ZNF714: variants seen among roughly 807,000 people sequenced by gnomAD.
ZNF714 encodes the protein zinc finger protein 714.
ZNF714 carries 32 observed loss-of-function variants against 46.2 expected under a neutral mutation model. The ratio of observed to expected loss-of-function variants is 0.69; its 90% CI spans 0.52 to 0.93. The LOEUF (loss-of-function observed/expected upper bound fraction) is 0.93. Ranked by LOEUF, ZNF714 falls within the 40% of genes least tolerant of loss-of-function variation. The pLI is 0.00. For synonymous variants in ZNF714, 199 were observed against 213.1 expected (o/e 0.93, Z 0.58); for missense variants, 635 against 646.3 (o/e 0.98, Z 0.19).
chr19:21,095,588 G>A (rs570836163), intron 2 of ZNF714, among the ~76,000 whole-genome samples: 26 of 151,592 alleles, frequency 1.7e-4, no homozygotes, highest in African/African-American at 6.0e-4. Context: ...TCAGCCTCCC[G>A]AGTAGCTGGG....
chr19:21,102,982 A>C (rs755299462), intron 4 of ZNF714, among the ~76,000 whole-genome samples: 1 of 152,108 alleles, frequency 6.6e-6, no homozygotes, highest in African/African-American at 2.4e-5. Flanking sequence ...CAATCGGATT[A>C]TATATGTGTG....
chr19:21,118,474 G>C lies in ZNF714; in HGVS notation c.*142G>C, dbSNP rs1391354696. ...CTCAAAAAAAAAAAAAAAAAGAAAAGAAAATTCATACTGGAACGAAACCCT... is the reference window on the plus strand; with the variant it reads ...CTCAAAAAAAAAAAAAAAAAGAAAACAAAATTCATACTGGAACGAAACCCT... On this transcript the variant is annotated 3_prime_UTR_variant, in exon 5 of 5. Transcript: ENST00000456283. 10 of 392,020 alleles carry C rather than the reference G, an allele frequency of 2.6e-5. No individual in the cohort carries two copies. Among genetic ancestry groups the C allele is most frequent in the Non-Finnish European group, 4.5e-5 (10 of 220,170 alleles). 24.3% of individuals were successfully genotyped at this position (392,020 alleles called of 1,614,324 possible). A position where few individuals can be genotyped will look rare whatever the true frequency, so the allele number is the denominator to read the frequency against.
intron 2 of ZNF714, among the ~76,000 whole-genome samples, chr19:21,087,222 C>CAAAAAAAAA (rs57295093): frequency 2.2e-5 from 2 of 92,168 alleles, no homozygotes; most frequent in Non-Finnish European, 2.0e-5. Context: ...GCAGTCTCAG[C>CAAAAAAAAA]AAAAAAAAAA....
intron 2 of ZNF714, among the ~76,000 whole-genome samples, chr19:21,088,007 C>G (rs1968822084): frequency 6.6e-6 from 1 of 152,068 alleles, no homozygotes; most frequent in Non-Finnish European, 1.5e-5. Context: ...GCGTGGAGTC[C>G]AGGACACAGA....
At position 21,116,915 on chromosome 19, in the gene ZNF714, A is replaced by G. The variant is rs752880693; in HGVS notation, c.251A>G (p.Gln84Arg). The G allele has an allele frequency of 6.1e-5, 98 of 1,613,858 alleles. No individual in the cohort carries two copies. The highest frequency in any genetic ancestry group is 8.0e-5 in the Non-Finnish European group (94 of 1,179,922). Reference sequence around the variant, plus strand: ...GGCAAATGTGAACATGAGAATTTACAGTTAAGAAAAGGCTCCGCAAATGTG... The same window carrying G: ...GGCAAATGTGAACATGAGAATTTACGGTTAAGAAAAGGCTCCGCAAATGTG... ...RHGKCEHENL[Q>R]LRKGSANVVE... is the part of the protein sequence containing the mutation. The change falls in exon 5 of 5, where the codon CAG becomes CGG. Residue 84 changes from glutamine to arginine, a missense_variant. By Grantham distance (43) the Gln-to-Arg change is conservative. Coordinates refer to ENST00000456283, the MANE Select transcript of ZNF714 (RefSeq NM_182515.4).
At chr19:21,115,228 A>G (rs922770571) in intron 4 of ZNF714, among the ~76,000 whole-genome samples, 49 of 152,014 alleles carry the variant, frequency 3.2e-4, no homozygotes, top group African/African-American at 1.1e-3. Flanking sequence ...TCATTAACAA[A>G]TGTTTATAAT....
Position 21,117,986 on chromosome 19 carries a change from C to T in ZNF714, c.1322C>T (p.Thr441Ile). 6.2e-7 allele frequency: 1 copy of T among 1,613,646 alleles called. No homozygotes were observed. Among genetic ancestry groups the T allele is most frequent in the Non-Finnish European group, 8.5e-7 (1 of 1,179,942 alleles). ...GCTTTTAACCGATCCTCAAACCTTA[C>T]TACACATAAGAGAATTCACACTGGA... ...GKAFNRSSNL[T>I]THKRIHTGEK... is the part of the protein sequence containing the mutation. Residue 441 changes from threonine to isoleucine, a missense_variant, in exon 5 of 5, where the codon ACT becomes ATT. Physicochemically the swap from Thr to Ile is moderately conservative, Grantham distance 89. Coordinates refer to ENST00000456283, the MANE Select transcript of ZNF714 (RefSeq NM_182515.4).
rs1969745410 is a variant in ZNF714 at position 21,123,593 on chromosome 19, G to C, written c.*5261G>C. Among the ~76,000 whole-genome samples, 1 of 152,148 alleles carries C rather than the reference G, an allele frequency of 6.6e-6. No homozygotes were observed. The highest frequency in any genetic ancestry group is 2.1e-4 in the South Asian group (1 of 4,828). ...GATGGTCTCAATCTCCTGACCTCGTGATCCGCCCGCCTCGACCTCCCAAAG... is the reference window on the plus strand; with the variant it reads ...GATGGTCTCAATCTCCTGACCTCGTCATCCGCCCGCCTCGACCTCCCAAAG... On this transcript the variant is annotated 3_prime_UTR_variant, in exon 5 of 5. Transcript: ENST00000456283.
chr19:21,090,342 C>T (rs1255914963), intron 2 of ZNF714, among the ~76,000 whole-genome samples: 1 of 152,132 alleles, frequency 6.6e-6, no homozygotes, highest in Non-Finnish European at 1.5e-5. Flanking sequence ...AAGATTTTTT[C>T]CAGCAGTCCC....
intron 2 of ZNF714, among the ~76,000 whole-genome samples, chr19:21,095,990 A>G (rs1183713554): frequency 6.6e-6 from 1 of 152,144 alleles, no homozygotes; most frequent in Non-Finnish European, 1.5e-5. Flanking sequence ...AGAATCAAGT[A>G]TGAAGGCTTC....
chr19:21,082,297 G>A lies in ZNF714; in HGVS notation c.-228G>A. ...GCCTCTGTGGCCCTGTGACCTGCAG[G>A]TATTGAGAGATCCACAGCTAAGACG... On this transcript the variant is annotated 5_prime_UTR_variant, in exon 1 of 5. Coordinates refer to ENST00000456283, the MANE Select transcript of ZNF714 (RefSeq NM_182515.4). 2 of 1,445,582 alleles carry A rather than the reference G, an allele frequency of 1.4e-6. No individual in the cohort carries two copies. Among genetic ancestry groups the A allele is most frequent in the Non-Finnish European group, 1.9e-6 (2 of 1,070,040 alleles). The allele number at this position is 1,445,582 out of a possible 1,614,324, so 89.5% of individuals were successfully genotyped here.
rs1969718389 is a variant in ZNF714, at chr19:21,122,443, A to C, written c.*4111A>C. On this transcript the variant is annotated 3_prime_UTR_variant, in exon 5 of 5. Transcript: ENST00000456283. ...ACCAGCCTGGTGAAACCCGGTCTCTACTAATAAACTACAAAAATTAGCTGA... is the reference window on the plus strand; with the variant it reads ...ACCAGCCTGGTGAAACCCGGTCTCTCCTAATAAACTACAAAAATTAGCTGA... 6.6e-6 allele frequency: 1 copy of C among 152,100 alleles called. No homozygotes were observed. Among genetic ancestry groups the C allele is most frequent in the Non-Finnish European group, 1.5e-5 (1 of 68,018 alleles). 9.4% of individuals were successfully genotyped at this position (152,100 alleles called of 1,614,324 possible). A position where few individuals can be genotyped will look rare whatever the true frequency, so the allele number is the denominator to read the frequency against.
chr19:21,104,891 C>T (rs1253327159), intron 4 of ZNF714, among the ~76,000 whole-genome samples: 5 of 152,014 alleles, frequency 3.3e-5, no homozygotes, highest in Admixed American at 1.3e-4. Flanking sequence ...GCTGGGATTA[C>T]AGTCGTGAGG....
At position 21,117,920 on chromosome 19, in the gene ZNF714, A is replaced by G. The variant is rs1969639091; in HGVS notation, c.1256A>G (p.His419Arg). Residue 419 changes from histidine to arginine, a missense_variant, in exon 5 of 5, where the codon CAT (histidine) becomes CGT (arginine). Physicochemically the swap from His to Arg is conservative, Grantham distance 29 (BLOSUM62 0). Coordinates refer to ENST00000456283, the MANE Select transcript of ZNF714 (RefSeq NM_182515.4). ...AACCTTACCAAACATAAGATAATTCATACTGGAGAGAAACTCTACAAATGT... is the reference window on the plus strand; with the variant it reads ...AACCTTACCAAACATAAGATAATTCGTACTGGAGAGAAACTCTACAAATGT... Reference protein sequence around the residue: ...SSNLTKHKIIHTGEKLYKCEE... With the variant: ...SSNLTKHKIIRTGEKLYKCEE... 3.7e-6 allele frequency: 6 copies of G among 1,613,138 alleles called. No individual in the cohort carries two copies. The highest frequency in any genetic ancestry group is 5.1e-6 in the Non-Finnish European group (6 of 1,179,864).
At chr19:21,106,503 ATGT>A (rs1969317664) in intron 4 of ZNF714, among the ~76,000 whole-genome samples, 1 of 146,898 alleles carries the variant, frequency 6.8e-6, no homozygotes, top group South Asian at 2.3e-4. Context: ...TGGGAGGCGG[ATGT>A]TGTAGTGAGC....
intron 4 of ZNF714, among the ~76,000 whole-genome samples, chr19:21,112,704 T>A (rs1969475548): frequency 2.0e-5 from 3 of 151,830 alleles, no homozygotes; most frequent in Non-Finnish European, 4.4e-5. Context: ...CTTTTTCATT[T>A]GGGTATTTAG....
chr19:21,094,975 G>T (rs1312059879), intron 2 of ZNF714, among the ~76,000 whole-genome samples: 2 of 151,892 alleles, frequency 1.3e-5, no homozygotes, highest in Non-Finnish European at 2.9e-5. Flanking sequence ...ATCTGTTCAT[G>T]TTTTTTTGCC....
chr19:21,092,168 G>A (rs372798024), intron 2 of ZNF714, among the ~76,000 whole-genome samples: 1 of 152,078 alleles, frequency 6.6e-6, no homozygotes, highest in East Asian at 1.9e-4. Context: ...GGTGAGAGAG[G>A]ATGAAAACTT....
intron 4 of ZNF714, among the ~76,000 whole-genome samples, chr19:21,107,641 A>G (rs6511191): frequency 0.74 from 105,742 of 143,342 alleles, 41,789 homozygotes; most frequent in Middle Eastern, 0.88. Flanking sequence ...TAACAAAATT[A>G]ATTTTATTGA....
Sources: gnomAD v4.1 joint callset for allele counts (sites outside exome capture counted in the v4.1 genomes callset) on GRCh38, gnomAD v4.1.1 for gene constraint, MANE v1.5 for transcripts, NCBI Gene and HGNC (gene_info 2026-07-23, HGNC 2026-07-21) for gene names.